TXLNB: variants seen among roughly 807,000 people sequenced by gnomAD.
TXLNB encodes the protein beta-taxilin.
A neutral mutation model predicts 57.4 loss-of-function variants in TXLNB; 37 were observed. The observed-to-expected ratio is 0.64, with a 90% confidence interval of 0.50 to 0.85. TXLNB has a LOEUF of 0.85. Among genes scored for constraint, TXLNB ranks in the 40% least tolerant of loss-of-function variants. The pLI is 0.00. For missense variants in TXLNB, 848 were observed against 825.6 expected (o/e 1.03, Z -0.33); for synonymous variants, 302 against 309.6 (o/e 0.98, Z 0.26).
the TXLNB span, chr6:139,182,987 A>G: frequency 6.6e-6 from 1 of 152,236 alleles, no homozygotes; most frequent in Non-Finnish European, 1.5e-5. Context: ...AATCAAGCAT[A>G]GAACTAATTG....
chr6:139,232,638 T>C, the TXLNB span, among the ~76,000 whole-genome samples: 1 of 152,220 alleles, frequency 6.6e-6, no homozygotes, highest in African/African-American at 2.4e-5. Context: ...CTCTACTTAA[T>C]AGGTATGAAA....
chr6:139,275,386 T>C (rs1265684679), intron 3 of TXLNB, among the ~76,000 whole-genome samples: 1 of 152,208 alleles, frequency 6.6e-6, no homozygotes, highest in Non-Finnish European at 1.5e-5. Flanking sequence ...TATATGTACC[T>C]TATGACTGTA....
the TXLNB span, among the ~76,000 whole-genome samples, chr6:139,313,948 C>T: frequency 6.6e-6 from 1 of 152,146 alleles, no homozygotes; most frequent in Non-Finnish European, 1.5e-5. Flanking sequence ...GGAATTCAGG[C>T]ACAGCCGACC....
chr6:139,261,425 G>C (rs1562278451), intron 5 of TXLNB, among the ~76,000 whole-genome samples: 1 of 151,928 alleles, frequency 6.6e-6, no homozygotes, highest in Non-Finnish European at 1.5e-5. Context: ...TTTTGTGCTT[G>C]ATAAAATCTT....
the TXLNB span, among the ~76,000 whole-genome samples, chr6:139,222,005 T>TA: frequency 6.6e-6 from 1 of 150,470 alleles, no homozygotes; most frequent in Non-Finnish European, 1.5e-5. Flanking sequence ...GGGAATATAA[T>TA]AAAAATATAT....
At chr6:139,192,378 A>G in the TXLNB span, among the ~76,000 whole-genome samples, 1 of 152,216 alleles carries the variant, frequency 6.6e-6, no homozygotes, top group South Asian at 2.1e-4. Flanking sequence ...TTTAAATTGC[A>G]ACCCTTTGGG....
chr6:139,170,816 C>T, the TXLNB span, among the ~76,000 whole-genome samples: 4,489 of 150,580 alleles, frequency 0.03, 75 homozygotes, highest in Non-Finnish European at 0.039. Flanking sequence ...AGGAAAGGTG[C>T]GGGAAAGGGG....
At chr6:139,252,985 C>T (rs1776247926) in intron 7 of TXLNB, among the ~76,000 whole-genome samples, 1 of 152,180 alleles carries the variant, frequency 6.6e-6, no homozygotes, top group Non-Finnish European at 1.5e-5. Context: ...GAGTGAGACA[C>T]CGTCTCAAAA....
chr6:139,314,825 C>T, the TXLNB span, among the ~76,000 whole-genome samples: 1 of 152,210 alleles, frequency 6.6e-6, no homozygotes, highest in Non-Finnish European at 1.5e-5. Flanking sequence ...CTTGTTCATT[C>T]CTGGGCGTAG....
the TXLNB span, among the ~76,000 whole-genome samples, chr6:139,187,403 T>C: frequency 6.9e-6 from 1 of 145,874 alleles, no homozygotes; most frequent in Admixed American, 6.9e-5. Flanking sequence ...TCTAGACTTG[T>C]AGGATTTCCA....
At chr6:139,174,915 A>G in the TXLNB span, among the ~76,000 whole-genome samples, 1 of 152,182 alleles carries the variant, frequency 6.6e-6, no homozygotes, top group African/African-American at 2.4e-5. Flanking sequence ...TATATTTTCT[A>G]AGATTCTGTA....
downstream of TXLNB, among the ~76,000 whole-genome samples, chr6:139,235,235 T>C (rs1775823107): frequency 6.6e-6 from 1 of 152,104 alleles, no homozygotes; most frequent in Non-Finnish European, 1.5e-5. Context: ...TATAAAAACT[T>C]GGACACCTTA....
At chr6:139,223,261 G>C in the TXLNB span, among the ~76,000 whole-genome samples, 1 of 152,150 alleles carries the variant, frequency 6.6e-6, no homozygotes, top group East Asian at 1.9e-4. Flanking sequence ...TTTGAATGGA[G>C]TGATAAGAAA....
chr6:139,199,095 A>T, the TXLNB span, among the ~76,000 whole-genome samples: 7 of 151,892 alleles, frequency 4.6e-5, no homozygotes, highest in Non-Finnish European at 8.8e-5. Flanking sequence ...TTTAATCCTG[A>T]CTGGTGTAGC....
the TXLNB span, among the ~76,000 whole-genome samples, chr6:139,191,343 T>C: frequency 6.6e-6 from 1 of 152,214 alleles, no homozygotes; most frequent in African/African-American, 2.4e-5. Flanking sequence ...CGCTTGAACC[T>C]GGGAGGTGGA....
Position 139,255,652 on chromosome 6 carries a change from G to A in TXLNB, c.1003-14C>T, listed in dbSNP as rs749014562. The A allele has an allele frequency of 6.2e-7, 1 of 1,609,938 alleles. No homozygotes were observed. The highest frequency in any genetic ancestry group is 1.1e-5 in the South Asian group (1 of 90,712). ...CTGGTTCAGCAACTATGAGAAGAGA[G>A]AGTGTGTGGAAAGATGGTCAGATTT... On this transcript the variant is annotated splice_polypyrimidine_tract_variant and intron_variant, in intron 6 of 9. Coordinates refer to ENST00000358430, the MANE Select transcript of TXLNB (RefSeq NM_153235.4).
the TXLNB span, among the ~76,000 whole-genome samples, chr6:139,185,527 C>G: frequency 6.6e-6 from 1 of 152,048 alleles, no homozygotes; most frequent in African/African-American, 2.4e-5. Flanking sequence ...CGGTGAAACC[C>G]CGTCTCTACT....
chr6:139,292,865 A>C (rs1262204595), upstream of TXLNB, among the ~76,000 whole-genome samples: 1 of 152,088 alleles, frequency 6.6e-6, no homozygotes, highest in Non-Finnish European at 1.5e-5. The surrounding 1 kb of genome is among the most constrained non-coding windows in gnomAD (Gnocchi z 4.0). Flanking sequence ...GTGTTCCCAT[A>C]CTTCCAAAGC....
chr6:139,270,748 T>G, intron 3 of TXLNB, 122 bp from the exon 4 acceptor site: 2 of 815,560 alleles, frequency 2.5e-6, no homozygotes, highest in Admixed American at 2.8e-5. Context: ...CTATTATCTC[T>G]TCCTCTGGAA....
Sources: gnomAD v4.1 joint callset for allele counts (sites outside exome capture counted in the v4.1 genomes callset) on GRCh38, gnomAD v4.1.1 for gene constraint, Gnocchi (gnomAD v3.1) non-coding constraint, MANE v1.5 for transcripts, NCBI Gene and HGNC (gene_info 2026-07-23, HGNC 2026-07-21) for gene names.